Variants in SERPINB7 observed in about 807,000 individuals in gnomAD.
The protein encoded by SERPINB7 is serpin family B member 7.
Under a neutral mutation model 37.4 loss-of-function variants are expected in SERPINB7, and 31 were observed. The observed-to-expected ratio is 0.83, with a 90% CI of 0.62 to 1.12. The LOEUF is 1.12. Among genes scored for constraint, SERPINB7 ranks in the 50% most tolerant of loss-of-function variants. The probability of loss-of-function intolerance (pLI) is 0.00; values close to 1 mark genes in which losing one functional copy is unlikely to be tolerated. For missense variants in SERPINB7, 521 were observed against 455.3 expected, an observed-to-expected ratio of 1.14 and a Z score of -1.31; for synonymous variants, 163 against 166.1, an observed-to-expected ratio of 0.98 and a Z score of 0.14.
At chr18:63,778,740 T>C (rs1302195907) in intron 1 of SERPINB7, among the ~76,000 whole-genome samples, 1 of 152,088 alleles carries the variant, frequency 6.6e-6, no homozygotes, top group Non-Finnish European at 1.5e-5. Flanking sequence ...TAATAATATA[T>C]TAGCTAAAGG....
chr18:63,780,148 A>G (rs905897189), intron 1 of SERPINB7, among the ~76,000 whole-genome samples: 4 of 152,218 alleles, frequency 2.6e-5, no homozygotes, highest in Non-Finnish European at 5.9e-5. Flanking sequence ...AAGGATTAAT[A>G]TGACTTTGCT....
chr18:63,790,366 G>A (rs572518988), intron 2 of SERPINB7, among the ~76,000 whole-genome samples: 1 of 152,322 alleles, frequency 6.6e-6, no homozygotes, highest in Non-Finnish European at 1.5e-5. Flanking sequence ...TGACAACAAT[G>A]ATGGTGGGAT....
upstream of SERPINB7, among the ~76,000 whole-genome samples, chr18:63,773,388 A>T (rs565466436): frequency 2.6e-4 from 39 of 152,268 alleles, no homozygotes; most frequent in African/African-American, 9.1e-4. Context: ...AATTTGGAAC[A>T]TTAAGTATTC....
chr18:63,804,693 C>T lies in SERPINB7; in HGVS notation c.*58C>T. ...ACAACATCAAAGAACCACCACAAGT[C>T]AATAGATTTGAGTTTAATTGGAAAA... is the stretch of plus-strand genomic sequence containing the variant. On this transcript the variant is annotated 3_prime_UTR_variant, in exon 8 of 8. Transcript: ENST00000398019. The T allele has an allele frequency of 1.4e-6, 2 of 1,476,114 alleles. No homozygotes were observed. The highest frequency in any genetic ancestry group is 2.7e-5 in the South Asian group (2 of 74,702). The allele number at this position is 1,476,114 out of a possible 1,614,324, so 91.4% of individuals were successfully genotyped here.
intron 1 of SERPINB7, among the ~76,000 whole-genome samples, chr18:63,776,397 T>A (rs1598997818): frequency 6.6e-6 from 1 of 151,884 alleles, no homozygotes. Context: ...AACAGTTTTG[T>A]CTGGTTTGAT....
At chr18:63,783,789 TC>T (rs2049337627) in intron 2 of SERPINB7, among the ~76,000 whole-genome samples, 1 of 152,166 alleles carries the variant, frequency 6.6e-6, no homozygotes, top group Non-Finnish European at 1.5e-5. Context: ...GCCCCACTAT[TC>T]CTCCCATTAT....
chr18:63,785,639 T>TG (rs2049356302), intron 2 of SERPINB7, among the ~76,000 whole-genome samples: 1 of 151,920 alleles, frequency 6.6e-6, no homozygotes, highest in African/African-American at 2.4e-5. Flanking sequence ...CCATGAAGGC[T>TG]GCTCACCATT....
upstream of SERPINB7, among the ~76,000 whole-genome samples, chr18:63,773,286 A>T (rs1167615828): frequency 1.3e-5 from 2 of 152,142 alleles, no homozygotes; most frequent in Non-Finnish European, 2.9e-5. Context: ...TTGGACCAAC[A>T]AAAACCATAT....
At position 63,804,871 on chromosome 18, in the gene SERPINB7, T is replaced by C. The variant is rs961852022; in HGVS notation, c.*236T>C. The C allele has an allele frequency of 1.8e-5, 9 of 499,044 alleles. No homozygotes were observed. In the Admixed American group the frequency reaches 3.3e-4, roughly 19 times the overall value. 30.9% of individuals were successfully genotyped at this position (499,044 alleles called of 1,614,324 possible). The stretch of plus-strand genomic sequence containing the variant: ...CTCACCCATTTCTAATTTCATTGTC[T>C]TTCTTCCCACGCTCATTTCTATCAT... On this transcript the variant is annotated 3_prime_UTR_variant, in exon 8 of 8. Transcript: ENST00000398019.
chr18:63,783,232 GAGAAAGAAAGAAAGAA>G lies in SERPINB7; in HGVS notation c.168+742_168+757del, dbSNP rs761812129. 3.5e-3 allele frequency among the ~76,000 whole-genome samples: 141 copies of G among 40,664 alleles called. 2 individuals are homozygous for G. Among genetic ancestry groups the G allele is most frequent in the East Asian group, 7.0e-3 (10 of 1,438 alleles). 26.7% of individuals were successfully genotyped at this position (40,664 alleles called of 152,430 possible). ...AGAGAGAGAGAGAGAGAGAGAGAGA[GAGAAAGAAAGAAAGAA>G]AGAAAGAAAGAAAGAAAGAAAGAAA... On this transcript the variant is annotated intron_variant, in intron 2 of 7. Coordinates refer to ENST00000398019, the MANE Select transcript of SERPINB7 (RefSeq NM_003784.4).
chr18:63,762,703 C>G (rs922438100), intron 1 of SERPINB7, among the ~76,000 whole-genome samples: 1 of 152,164 alleles, frequency 6.6e-6, no homozygotes, highest in African/African-American at 2.4e-5. Context: ...TTGATACTCA[C>G]TTGTTCTGTG....
chr18:63,763,367 T>C (rs2049164730), intron 1 of SERPINB7, among the ~76,000 whole-genome samples: 1 of 152,264 alleles, frequency 6.6e-6, no homozygotes, highest in South Asian at 2.1e-4. Context: ...TTAGAATTTC[T>C]GCTGTTATTA....
chr18:63,762,620 C>G (rs1003809292), intron 1 of SERPINB7, among the ~76,000 whole-genome samples: 4 of 152,190 alleles, frequency 2.6e-5, no homozygotes, highest in African/African-American at 7.2e-5. Context: ...ATTTCCCCCC[C>G]ATGATAGCTC....
chr18:63,783,238 GAA>G (rs1246720550), intron 2 of SERPINB7, among the ~76,000 whole-genome samples: 40 of 83,262 alleles, frequency 4.8e-4, no homozygotes, highest in Non-Finnish European at 6.3e-4. Context: ...GAGAGAGAAA[GAA>G]AGAAAGAAAG....
At chr18:63,784,225 T>C (rs1002355281) in intron 2 of SERPINB7, among the ~76,000 whole-genome samples, 2 of 152,208 alleles carry the variant, frequency 1.3e-5, no homozygotes, top group African/African-American at 4.8e-5. Context: ...GATGATCTTC[T>C]ACAACTGGTT....
At chr18:63,790,998 T>C (rs1207446799) in intron 2 of SERPINB7, among the ~76,000 whole-genome samples, 1 of 152,148 alleles carries the variant, frequency 6.6e-6, no homozygotes, top group Non-Finnish European at 1.5e-5. Context: ...GGGACATGGA[T>C]GAAGCTGGAA....
chr18:63,765,916 T>A (rs1294236431), intron 1 of SERPINB7, among the ~76,000 whole-genome samples: 1 of 151,998 alleles, frequency 6.6e-6, no homozygotes, highest in African/African-American at 2.4e-5. Flanking sequence ...AAGTTTAGAG[T>A]TAGGTAAGGG....
chr18:63,793,836 T>C (rs1335113479), intron 4 of SERPINB7, among the ~76,000 whole-genome samples: 1 of 151,922 alleles, frequency 6.6e-6, no homozygotes, highest in Non-Finnish European at 1.5e-5. Context: ...GTTTTATGTA[T>C]TTTTTTTAAG....
chr18:63,766,540 T>C (rs992008120), intron 1 of SERPINB7, among the ~76,000 whole-genome samples: 1 of 150,418 alleles, frequency 6.6e-6, no homozygotes, highest in South Asian at 2.1e-4. Flanking sequence ...CAGTTCTATG[T>C]TGAGGTGGTC....
Sources: gnomAD v4.1 joint callset for allele counts (sites outside exome capture counted in the v4.1 genomes callset) on GRCh38, gnomAD v4.1.1 for gene constraint, MANE v1.5 for transcripts, NCBI Gene and HGNC (gene_info 2026-07-23, HGNC 2026-07-21) for gene names.